DISP1: variants seen among roughly 807,000 people sequenced by gnomAD.
DISP1 encodes the protein protein dispatched homolog 1.
Under a neutral mutation model 37.3 loss-of-function variants are expected in DISP1, and 30 were observed. The observed-to-expected ratio is 0.80, with a 90% CI of 0.60 to 1.09. The LOEUF is 1.09. DISP1 is among the 50% of genes least tolerant of loss of function. DISP1 has a pLI of 0.00. For missense variants in DISP1, 1,598 were observed against 1,879.5 expected (o/e 0.85, Z 2.77); for synonymous variants, 634 against 690.2 (o/e 0.92, Z 1.28).
At chr1:222,953,473 G>T (rs1675375723) in intron 3 of DISP1, among the ~76,000 whole-genome samples, 3 of 152,098 alleles carry the variant, frequency 2.0e-5, no homozygotes, top group Admixed American at 2.0e-4. Context: ...AGGAAAAGAT[G>T]GTCACTCATT....
At chr1:222,981,465 G>A (rs369345104) in intron 3 of DISP1, among the ~76,000 whole-genome samples, 36 of 152,226 alleles carry the variant, frequency 2.4e-4, no homozygotes, top group African/African-American at 8.7e-4. Flanking sequence ...ACGAGGGCAT[G>A]TAAATAAAGC....
At chr1:222,857,112 CTTAA>C (rs1271198275) in intron 1 of DISP1, among the ~76,000 whole-genome samples, 1 of 152,116 alleles carries the variant, frequency 6.6e-6, no homozygotes, top group Non-Finnish European at 1.5e-5. Flanking sequence ...TTTAAAATGT[CTTAA>C]TTGACACTTA....
intron 1 of DISP1, among the ~76,000 whole-genome samples, chr1:222,868,303 A>G (rs2125338452): frequency 6.6e-6 from 1 of 152,234 alleles, no homozygotes; most frequent in Middle Eastern, 3.4e-3. Context: ...TTGCAGAGTA[A>G]TATGTGTTAT....
intron 1 of DISP1, among the ~76,000 whole-genome samples, chr1:222,837,860 TTG>T (rs1350474214): frequency 2.6e-5 from 4 of 152,180 alleles, no homozygotes; most frequent in Non-Finnish European, 5.9e-5. Flanking sequence ...TTATAAAACG[TTG>T]TTTCTCACAA....
intron 1 of DISP1, among the ~76,000 whole-genome samples, chr1:222,904,845 C>T (rs998076389): frequency 7.2e-5 from 11 of 152,130 alleles, no homozygotes; most frequent in Admixed American, 4.6e-4. Context: ...GGATTATAGG[C>T]GTGAGCCACT....
At chr1:222,936,527 GTCTC>G (rs201636227) in intron 2 of DISP1, among the ~76,000 whole-genome samples, 12 of 99,150 alleles carry the variant, frequency 1.2e-4, no homozygotes, top group African/African-American at 2.5e-4. Context: ...TGATGGAAAT[GTCTC>G]TCTCTCTCTC....
At chr1:222,940,466 C>A (rs991747347) in intron 2 of DISP1, among the ~76,000 whole-genome samples, 3 of 152,136 alleles carry the variant, frequency 2.0e-5, no homozygotes, top group Non-Finnish European at 4.4e-5. Flanking sequence ...GATTACAGTT[C>A]GACATGAGAT....
intron 2 of DISP1, among the ~76,000 whole-genome samples, chr1:222,942,557 G>A (rs1674463403): frequency 6.6e-6 from 1 of 151,972 alleles, no homozygotes; most frequent in Non-Finnish European, 1.5e-5. Context: ...GAAAGGAGAG[G>A]TGGGCAGGAG....
chr1:223,005,942 T>G lies in DISP1; in HGVS notation c.4545T>G (p.Ser1515=). The G allele has an allele frequency of 6.2e-7, 1 of 1,613,984 alleles. No individual in the cohort carries two copies. The highest frequency in any genetic ancestry group is 8.5e-7 in the Non-Finnish European group (1 of 1,180,004). The change falls in exon 9 of 9, where the codon TCT becomes TCG. Residue 1515 remains serine, a synonymous_variant. Transcript: ENST00000675850. ...VPAVLTHSEL[S]GESLLIKTL is the part of the protein sequence containing the mutation. Reference sequence around the variant, plus strand: ...CTGTATTAACACACTCGGAACTTTCTGGTGAAAGTTTGTTAATAAAAACAC... The same window carrying G: ...CTGTATTAACACACTCGGAACTTTCGGGTGAAAGTTTGTTAATAAAAACAC...
intron 2 of DISP1, among the ~76,000 whole-genome samples, chr1:222,936,012 G>C (rs1558338631): frequency 6.6e-6 from 1 of 152,118 alleles, no homozygotes. Flanking sequence ...AAATTCCTAT[G>C]GCCTAGCCAT....
chr1:223,005,669 T>C lies in DISP1; in HGVS notation c.4272T>C (p.Asn1424=). 1.2e-6 allele frequency: 2 copies of C among 1,611,566 alleles called. No homozygotes were observed. Among genetic ancestry groups the C allele is most frequent in the Non-Finnish European group, 1.7e-6 (2 of 1,179,600 alleles). The change falls in exon 9 of 9, where the codon AAT becomes AAC. Residue 1424 remains asparagine (N), a synonymous_variant. Transcript: ENST00000675850. ...RELCKNRDVS[N]LESSGGTENK... The stretch of plus-strand genomic sequence containing the variant: ...TCTGTAAAAATAGAGACGTGAGCAA[T>C]CTGGAGAGCAGTGGAGGGACTGAAA...
chr1:222,960,008 T>G (rs1675932658), intron 3 of DISP1, among the ~76,000 whole-genome samples: 1 of 152,086 alleles, frequency 6.6e-6, no homozygotes, highest in Non-Finnish European at 1.5e-5. Context: ...CAAAGAGACT[T>G]AGACTCCCAC....
chr1:222,953,250 C>A (rs922355987), intron 3 of DISP1, among the ~76,000 whole-genome samples: 1 of 152,114 alleles, frequency 6.6e-6, no homozygotes, highest in African/African-American at 2.4e-5. Flanking sequence ...GTGCCTGTTA[C>A]CAAATTTTAA....
intron 1 of DISP1, among the ~76,000 whole-genome samples, chr1:222,823,448 T>A (rs1663465692): frequency 6.6e-6 from 1 of 152,158 alleles, no homozygotes; most frequent in South Asian, 2.1e-4. Context: ...AAATACTACA[T>A]GTTCTCACTT....
intron 8 of DISP1, among the ~76,000 whole-genome samples, chr1:223,000,593 A>C (rs552153699): frequency 6.6e-6 from 1 of 152,344 alleles, no homozygotes; most frequent in African/African-American, 2.4e-5. Flanking sequence ...GAAATTCTCC[A>C]GCATATACAA....
chr1:222,948,529 C>T (rs116626790), intron 3 of DISP1, among the ~76,000 whole-genome samples: 51 of 152,320 alleles, frequency 3.3e-4, no homozygotes, highest in African/African-American at 1.2e-3. Context: ...GATTATTCTA[C>T]GCAACTCTTT....
intron 3 of DISP1, among the ~76,000 whole-genome samples, chr1:222,961,790 G>A (rs571102301): frequency 2.0e-5 from 3 of 152,246 alleles, no homozygotes; most frequent in African/African-American, 4.8e-5. Flanking sequence ...GGTGGATCAC[G>A]AGGTCAAGAG....
intron 3 of DISP1, among the ~76,000 whole-genome samples, chr1:222,958,110 A>G (rs1023964845): frequency 1.1e-4 from 16 of 152,224 alleles, no homozygotes; most frequent in Non-Finnish European, 2.2e-4. Context: ...TCAGATTGAC[A>G]TATTTAATTA....
chr1:222,880,023 A>AT (rs1258845475), intron 1 of DISP1, among the ~76,000 whole-genome samples: 5 of 152,248 alleles, frequency 3.3e-5, no homozygotes, highest in Non-Finnish European at 5.9e-5. Context: ...CATCAAAGGT[A>AT]TTACCATTCA....
Sources: gnomAD v4.1 joint callset for allele counts (sites outside exome capture counted in the v4.1 genomes callset) on GRCh38, gnomAD v4.1.1 for gene constraint, MANE v1.5 for transcripts, NCBI Gene and HGNC (gene_info 2026-07-23, HGNC 2026-07-21) for gene names.